STX3: variants seen among roughly 807,000 people sequenced by gnomAD.
The protein encoded by STX3 is syntaxin-3.
Under a neutral mutation model 40.2 loss-of-function variants are expected in STX3, and 19 were observed. The ratio of observed to expected loss-of-function variants is 0.47; its 90% CI spans 0.33 to 0.69. The LOEUF is 0.69. Among genes scored for constraint, STX3 ranks in the 30% least tolerant of loss-of-function variants. The pLI, the probability that STX3 is intolerant of heterozygous loss-of-function variation, is 0.02. For missense variants in STX3, 364 were observed against 366.7 expected (o/e 0.99, Z 0.06); for synonymous variants, 122 against 132.2 (o/e 0.92, Z 0.53).
intron 2 of STX3, among the ~76,000 whole-genome samples, chr11:59,777,472 G>A (rs1252666688): frequency 6.6e-6 from 1 of 152,200 alleles, no homozygotes; most frequent in South Asian, 2.1e-4. Context: ...GTTTGTGGAG[G>A]GTGCGAAAGA....
intron 2 of STX3, among the ~76,000 whole-genome samples, chr11:59,774,722 C>A (rs994882422): frequency 6.6e-6 from 1 of 151,728 alleles, no homozygotes; most frequent in African/African-American, 2.4e-5. Flanking sequence ...TCCCAGCTAC[C>A]CGAGAGGCTG....
chr11:59,782,061 C>G (rs1269934253), intron 2 of STX3, among the ~76,000 whole-genome samples: 2 of 152,136 alleles, frequency 1.3e-5, no homozygotes, highest in Non-Finnish European at 2.9e-5. Flanking sequence ...TCCATCTTAC[C>G]CCATGCAACC....
At chr11:59,771,637 C>T (rs993567313) in intron 1 of STX3, among the ~76,000 whole-genome samples, 3 of 152,048 alleles carry the variant, frequency 2.0e-5, no homozygotes, top group Non-Finnish European at 4.4e-5. Context: ...TGCCTTTCAG[C>T]AGAACTCCCT....
intron 3 of STX3, among the ~76,000 whole-genome samples, chr11:59,788,214 C>A (rs552108512): frequency 6.6e-6 from 1 of 152,310 alleles, no homozygotes; most frequent in African/African-American, 2.4e-5. Context: ...CCAGGCTGTG[C>A]ACACCTTGAC....
At chr11:59,772,902 A>G (rs1288019305) in intron 1 of STX3, among the ~76,000 whole-genome samples, 1 of 151,962 alleles carries the variant, frequency 6.6e-6, no homozygotes, top group African/African-American at 2.4e-5. Flanking sequence ...TTTAACAGAT[A>G]AGGAAACCTA....
At chr11:59,757,155 CG>C (rs1565158462) in intron 1 of STX3, among the ~76,000 whole-genome samples, 1 of 152,066 alleles carries the variant, frequency 6.6e-6, no homozygotes. Flanking sequence ...CTGCTGCTCA[CG>C]GGGTAGGAGG....
At chr11:59,785,574 G>T (rs1864701688) in intron 2 of STX3, among the ~76,000 whole-genome samples, 1 of 152,122 alleles carries the variant, frequency 6.6e-6, no homozygotes, top group South Asian at 2.1e-4. Flanking sequence ...CAAGTAATCT[G>T]CCTGCCTCGG....
chr11:59,774,859 G>A (rs1255088629), intron 2 of STX3, among the ~76,000 whole-genome samples: 1 of 152,124 alleles, frequency 6.6e-6, no homozygotes, highest in East Asian at 1.9e-4. Context: ...CAAAAACCAA[G>A]AGGAATAATG....
chr11:59,762,279 G>T (rs541850589), intron 1 of STX3, among the ~76,000 whole-genome samples: 1 of 152,370 alleles, frequency 6.6e-6, no homozygotes, highest in Admixed American at 6.5e-5. Context: ...ACTCCAGATG[G>T]CTGAGGACAA....
At chr11:59,763,702 G>A (rs949657431) in intron 1 of STX3, among the ~76,000 whole-genome samples, 6 of 152,166 alleles carry the variant, frequency 3.9e-5, no homozygotes, top group African/African-American at 1.2e-4. Context: ...ATAAATCAAA[G>A]TAGAAATGAC....
At chr11:59,770,302 G>C (rs150142842) in intron 1 of STX3, among the ~76,000 whole-genome samples, 84 of 143,662 alleles carry the variant, frequency 5.8e-4, no homozygotes, top group African/African-American at 2.0e-3. Flanking sequence ...TGTGTGTAGG[G>C]TGTGTGTTTA....
Position 59,755,631 on chromosome 11 carries a change from A to G in STX3, c.26A>G (p.Lys9Arg). 2 of 1,593,660 alleles carry G rather than the reference A, an allele frequency of 1.3e-6. No individual in the cohort carries two copies. Among genetic ancestry groups the G allele is most frequent in the Non-Finnish European group, 1.7e-6 (2 of 1,175,936 alleles). MKDRLEQL[K>R]AKQLTQDDDT... ...ATGAAGGACCGTCTGGAGCAGCTGA[A>G]GGCCGTGAGTTTCGCCGCAGGCGGG... Residue 9 changes from lysine (K) to arginine (R), a missense_variant, in exon 1 of 11, where the codon AAG becomes AGG. Lys to Arg is a conservative substitution (Grantham distance 26). Coordinates refer to ENST00000337979, the MANE Select transcript of STX3 (RefSeq NM_004177.5).
In STX3 at chr11:59,795,499, G is replaced by A. The variant is rs1351652600; in HGVS notation, c.786+17G>A. ...GCCCGGAAGGTGAGACTCTCCTGTG[G>A]CCTTCAGAGAAGAGAGTCCATTTTG... On this transcript the variant is annotated intron_variant, in intron 9 of 10. Transcript: ENST00000337979. The A allele has an allele frequency of 1.2e-6, 2 of 1,602,730 alleles. No homozygotes were observed. Among genetic ancestry groups the A allele is most frequent in the Non-Finnish European group, 1.7e-6 (2 of 1,174,214 alleles).
intron 1 of STX3, among the ~76,000 whole-genome samples, chr11:59,769,195 G>C (rs186848292): frequency 6.6e-6 from 1 of 152,232 alleles, no homozygotes; most frequent in East Asian, 1.9e-4. Context: ...CCGTGGTATA[G>C]AGCCCTGGCC....
chr11:59,788,799 T>C (rs781224480), intron 3 of STX3, 74 bp from the exon 4 acceptor site: 8 of 1,315,278 alleles, frequency 6.1e-6, no homozygotes, highest in Middle Eastern at 1.8e-4. Flanking sequence ...CCTCCTCTGA[T>C]GATGATTGCT....
chr11:59,787,738 C>T (rs1272239205), intron 3 of STX3, among the ~76,000 whole-genome samples: 1 of 152,186 alleles, frequency 6.6e-6, no homozygotes, highest in Non-Finnish European at 1.5e-5. Context: ...AGCTGAAGCG[C>T]TGAAAGAAAG....
At chr11:59,795,675 C>T (rs1166731132) in intron 9 of STX3, 193 bp downstream of exon 9, 8 of 1,537,134 alleles carry the variant, frequency 5.2e-6, no homozygotes, top group Non-Finnish European at 6.1e-6. Flanking sequence ...GTGGCAGATA[C>T]CAAAAAGGCT....
intron 6 of STX3, 24 bp from the exon 7 acceptor site, chr11:59,793,075 C>A (rs375516081): frequency 6.2e-7 from 1 of 1,610,244 alleles, no homozygotes; most frequent in Non-Finnish European, 8.5e-7. Flanking sequence ...TTATATTTGA[C>A]GCTCTACTTC....
Position 59,801,765 on chromosome 11 carries a change from C to T in STX3, c.*941C>T. On this transcript the variant is annotated 3_prime_UTR_variant, in exon 11 of 11. Coordinates refer to ENST00000337979, the MANE Select transcript of STX3 (RefSeq NM_004177.5). ...TCTAATTGTGTATGAAATGTATGTACACATAAGTGTGTGTGTCTCAGGAAG... is the reference window on the plus strand; with the variant it reads ...TCTAATTGTGTATGAAATGTATGTATACATAAGTGTGTGTGTCTCAGGAAG... The T allele has an allele frequency of 2.0e-6, 2 of 985,136 alleles. No homozygotes were observed. Among genetic ancestry groups the T allele is most frequent in the Non-Finnish European group, 2.4e-6 (2 of 829,858 alleles). 61.0% of individuals were successfully genotyped at this position (985,136 alleles called of 1,614,324 possible).
Sources: allele counts gnomAD v4.1 joint callset (sites outside exome capture counted in the v4.1 genomes callset), GRCh38; gene constraint gnomAD v4.1.1; transcripts MANE v1.5; gene names NCBI Gene and HGNC (gene_info 2026-07-23, HGNC 2026-07-21).